The following LRRC37A2 variants were observed in gnomAD, a reference collection of about 807,000 sequenced individuals.
The protein encoded by LRRC37A2 is leucine rich repeat containing 37 member A2, also known as leucine-rich repeat-containing protein 37A2.
In LRRC37A2, 9 loss-of-function variants were observed where a neutral mutation model predicts 68.8. The observed-to-expected ratio is 0.13, with a 90% CI of 0.08 to 0.23. The LOEUF (loss-of-function observed/expected upper bound fraction) is 0.23, where lower values mean the gene tolerates loss of function less well. Ranked by LOEUF, LRRC37A2 falls within the 10% of genes least tolerant of loss-of-function variation. The pLI is 1.00. For synonymous variants in LRRC37A2, 63 were observed against 367.6 expected, an observed-to-expected ratio of 0.17 and a Z score of 9.48; for missense variants, 168 against 950.4, an observed-to-expected ratio of 0.18 and a Z score of 10.82.
the LRRC37A2 span, among the ~76,000 whole-genome samples, chr17:46,915,079 C>A: frequency 6.6e-6 from 1 of 152,206 alleles, no homozygotes; most frequent in Admixed American, 6.6e-5. Context: ...AAAATTCATC[C>A]ATTTTACTAT....
the LRRC37A2 span, among the ~76,000 whole-genome samples, chr17:46,933,791 T>G: frequency 6.6e-6 from 1 of 151,526 alleles, no homozygotes; most frequent in Non-Finnish European, 1.5e-5. Flanking sequence ...GGTGAGACAT[T>G]GTCTCTACAA....
chr17:47,004,907 A>G, the LRRC37A2 span, among the ~76,000 whole-genome samples: 1 of 152,214 alleles, frequency 6.6e-6, no homozygotes, highest in African/African-American at 2.4e-5. Context: ...CTTCTGGGGT[A>G]ATTTACCTAC....
the LRRC37A2 span, among the ~76,000 whole-genome samples, chr17:46,458,913 G>A: frequency 1.1e-5 from 1 of 89,818 alleles, no homozygotes; most frequent in African/African-American, 3.9e-5. Flanking sequence ...TGCTACCTAT[G>A]TGGCTTGAAA....
the LRRC37A2 span, chr17:46,832,980 G>A: frequency 1.3e-4 from 26 of 204,578 alleles, 1 homozygote; most frequent in Middle Eastern, 9.9e-3. Context: ...TTCTTGTCAC[G>A]GATGCCATGG....
At chr17:46,713,756 G>T in the LRRC37A2 span, 1 of 1,131,206 alleles carries the variant, frequency 8.8e-7, no homozygotes, top group South Asian at 1.5e-5. Context: ...GCAACTAGTC[G>T]AGACCTCAGT....
chr17:46,819,576 G>A, the LRRC37A2 span, among the ~76,000 whole-genome samples: 1 of 152,192 alleles, frequency 6.6e-6, no homozygotes, highest in Non-Finnish European at 1.5e-5. This position sits in a 1 kb window ranked among gnomAD's most constrained non-coding sequence, Gnocchi z 5.3. Context: ...GCGCAGCTCT[G>A]GCCGAGGGCG....
the LRRC37A2 span, among the ~76,000 whole-genome samples, chr17:46,811,110 G>T: frequency 6.6e-6 from 1 of 152,058 alleles, no homozygotes; most frequent in East Asian, 1.9e-4. Flanking sequence ...GGCTGTACAG[G>T]CCAGGCTGCA....
chr17:46,936,980 AG>A, the LRRC37A2 span: 23 of 225,854 alleles, frequency 1.0e-4, no homozygotes, highest in African/African-American at 4.8e-4. Context: ...AAAAAAAAAA[AG>A]GATATGGGGC....
At chr17:46,884,327 C>T in the LRRC37A2 span, among the ~76,000 whole-genome samples, 1 of 152,212 alleles carries the variant, frequency 6.6e-6, no homozygotes, top group African/African-American at 2.4e-5. Context: ...TGCCCAGAGG[C>T]GGGAGATGTC....
At chr17:46,930,445 G>A in the LRRC37A2 span, 2 of 152,140 alleles carry the variant, frequency 1.3e-5, no homozygotes, top group African/African-American at 4.8e-5. Context: ...CTGTCTTATC[G>A]AAAGGGATAG....
At chr17:47,021,291 G>T in the LRRC37A2 span, among the ~76,000 whole-genome samples, 1 of 142,408 alleles carries the variant, frequency 7.0e-6, no homozygotes, top group African/African-American at 2.6e-5. Flanking sequence ...TGTCCAAAAG[G>T]AAAAGCTTAA....
chr17:47,006,772 T>A, the LRRC37A2 span, among the ~76,000 whole-genome samples: 1 of 152,150 alleles, frequency 6.6e-6, no homozygotes, highest in African/African-American at 2.4e-5. Context: ...ATGGGAAAAA[T>A]AACTACATCT....
At chr17:46,939,985 A>G in the LRRC37A2 span, 3 of 1,010,294 alleles carry the variant, frequency 3.0e-6, no homozygotes, top group Non-Finnish European at 3.6e-6. Flanking sequence ...ATGACACTCA[A>G]AATCCTTCAG....
At chr17:46,850,984 C>T in the LRRC37A2 span, among the ~76,000 whole-genome samples, 10 of 152,358 alleles carry the variant, frequency 6.6e-5, no homozygotes, top group East Asian at 1.4e-3. Context: ...ACAGAGCGCC[C>T]TTTCCTCTCT....
chr17:46,827,277 C>T, the LRRC37A2 span, among the ~76,000 whole-genome samples: 2 of 152,114 alleles, frequency 1.3e-5, no homozygotes, highest in South Asian at 2.1e-4. Flanking sequence ...AGGGATTGGC[C>T]TAAACTGGGT....
the LRRC37A2 span, among the ~76,000 whole-genome samples, chr17:46,843,414 T>C: frequency 6.6e-6 from 1 of 152,318 alleles, no homozygotes. Context: ...ATTCCATTCG[T>C]TAAAGTGAAG....
At chr17:46,809,463 C>A in the LRRC37A2 span, among the ~76,000 whole-genome samples, 1 of 152,226 alleles carries the variant, frequency 6.6e-6, no homozygotes, top group African/African-American at 2.4e-5. Context: ...TTGCTCCCAT[C>A]CCCCTCCCCA....
At chr17:46,862,159 G>A in the LRRC37A2 span, among the ~76,000 whole-genome samples, 7 of 115,448 alleles carry the variant, frequency 6.1e-5, no homozygotes, top group South Asian at 2.6e-4. Context: ...GTGAAACTCC[G>A]TCTCAAAAAA....
downstream of LRRC37A2, chr17:46,558,859 T>C (rs1377025277): frequency 1.3e-5 from 1 of 74,790 alleles, no homozygotes; most frequent in Non-Finnish European, 2.8e-5. Flanking sequence ...TTTTTTTTTT[T>C]TCAGAGACGG....
Sources: allele counts gnomAD v4.1 joint callset (sites outside exome capture counted in the v4.1 genomes callset), GRCh38; gene constraint gnomAD v4.1.1; non-coding constraint Gnocchi (gnomAD v3.1); transcripts MANE v1.5; gene names NCBI Gene and HGNC (gene_info 2026-07-23, HGNC 2026-07-21).